Variants in TYMP observed in about 807,000 individuals in gnomAD.
TYMP encodes the protein thymidine phosphorylase.
Under a neutral mutation model 42.3 loss-of-function variants are expected in TYMP, and 46 were observed. The observed-to-expected ratio is 1.09, with a 90% confidence interval of 0.86 to 1.39. The LOEUF is 1.39. TYMP is among the 40% of genes most tolerant of loss of function. The pLI is 0.00. For missense variants in TYMP, 837 were observed against 677.6 expected, an observed-to-expected ratio of 1.24 and a Z score of -2.61; for synonymous variants, 363 against 308.0, an observed-to-expected ratio of 1.18 and a Z score of -1.87.
chr22:50,528,247 T>C (rs760998472), intron 4 of TYMP: 1 of 528,884 alleles, frequency 1.9e-6, no homozygotes, highest in Non-Finnish European at 3.5e-6. Context: ...TCAAGGGATC[T>C]GCCCTCTTCG....
In TYMP at chr22:50,529,150, C is replaced by T. The variant is rs1319323449; in HGVS notation, c.403G>A (p.Ala135Thr). Residue 135 changes from alanine to threonine, a missense_variant, in exon 3 of 10, where the codon GCA becomes ACA. Physicochemically the swap from Ala to Thr is moderately conservative, Grantham distance 58. Transcript: ENST00000252029. ...TGGTTTCTAACCTTGCAGCCACATG[C>T]CGCCAGGGCAGGTGCGAGGACCAGG... The part of the protein sequence containing the change: ...VSLVLAPALA[A>T]CGCKVPMISG... The T allele has an allele frequency of 6.2e-7, 1 of 1,613,182 alleles. No homozygotes were observed. Among genetic ancestry groups the T allele is most frequent in the Admixed American group, 1.7e-5 (1 of 60,020 alleles).
At chr22:50,529,013 G>T in intron 3 of TYMP, 123 bp downstream of exon 3, 1 of 1,018,702 alleles carries the variant, frequency 9.8e-7, no homozygotes, top group Non-Finnish European at 1.5e-6. Flanking sequence ...AGCAGGGTGG[G>T]GAGAAGCCTT....
Position 50,527,149 on chromosome 22 carries a change from A to G in TYMP, c.765+16T>C. 6.2e-7 allele frequency: 1 copy of G among 1,602,712 alleles called. No homozygotes were observed. Among genetic ancestry groups the G allele is most frequent in the Non-Finnish European group, 8.5e-7 (1 of 1,171,696 alleles). On this transcript the variant is annotated intron_variant, in intron 6 of 9. Transcript: ENST00000252029. ...CGCATCAAGACGCTTGCCCAGGGAA[A>G]GGCCACACCGCTCACCAGCGTCTTT...
rs200265761 is a variant in TYMP, at chr22:50,527,622, C to T, written c.612G>A (p.Val204=). The T allele has an allele frequency of 1.2e-6, 2 of 1,613,938 alleles. No homozygotes were observed. Among genetic ancestry groups the T allele is most frequent in the East Asian group, 2.2e-5 (1 of 44,882 alleles). Residue 204 remains valine, a synonymous_variant, in exon 5 of 10, where the codon GTG becomes GTA. Transcript: ENST00000252029. ...ADGILYAARD[V]TATVDSLPLI... is the part of the protein sequence containing the mutation. ...GTGGCAGGCTGTCCACGGTGGCTGTCACATCTCTGGCTGCATATAGGATTC... is the reference window on the plus strand; with the variant it reads ...GTGGCAGGCTGTCCACGGTGGCTGTTACATCTCTGGCTGCATATAGGATTC...
Position 50,526,596 on chromosome 22 carries a change from C to T in TYMP, c.908G>A (p.Arg303Lys), listed in dbSNP as rs763685299. The change falls in exon 7 of 10, where the codon AGG becomes AAG. Residue 303 changes from arginine (R) to lysine (K), a missense_variant. Transcript: ENST00000252029. ...CMDGAGPPDLRDLVTTLGGAL... is the reference protein window; with the variant it reads ...CMDGAGPPDLKDLVTTLGGAL... ...CTCACCGAGCGTGGTGACCAGGTCC[C>T]TTAAGTCTGGCGGGCCTGCGCCGTC... 5.3e-5 allele frequency: 84 copies of T among 1,580,132 alleles called. No homozygotes were observed. Among genetic ancestry groups the T allele is most frequent in the Non-Finnish European group, 7.0e-5 (82 of 1,164,306 alleles).
chr22:50,529,088 C>T, intron 3 of TYMP, 48 bp downstream of exon 3: 1 of 1,593,212 alleles, frequency 6.3e-7, no homozygotes, highest in Non-Finnish European at 8.6e-7. Context: ...GGACTGGTTG[C>T]TGCATGTGCG....
At position 50,526,048 on chromosome 22, in the gene TYMP, C is replaced by A; in HGVS notation, c.1253G>T (p.Gly418Val). Reference protein sequence around the residue: ...RSRAGEPLRLGVGAELLVDVG... With the variant: ...RSRAGEPLRLVVGAELLVDVG... The stretch of plus-strand genomic sequence containing the variant: ...GTCGACCAGCAGCTCTGCGCCCACC[C>A]CCAGGCGGAGCGGCTCCCCAGCGCG... Residue 418 changes from glycine to valine, a missense_variant, in exon 9 of 10, where the codon GGG (glycine) becomes GTG (valine). Coordinates refer to ENST00000252029, the MANE Select transcript of TYMP (RefSeq NM_001953.5). 6.7e-7 allele frequency: 1 copy of A among 1,482,126 alleles called. No homozygotes were observed. The highest frequency in any genetic ancestry group is 8.9e-7 in the Non-Finnish European group (1 of 1,124,020). 91.8% of individuals were successfully genotyped at this position (1,482,126 alleles called of 1,614,324 possible).
At chr22:50,528,116 A>G (rs131802) in intron 4 of TYMP, 64,876 of 384,616 alleles carry the variant, frequency 0.17, 6,040 homozygotes, top group East Asian at 0.26. Context: ...GGCTCAAGTG[A>G]TCCTCCTGCC....
At chr22:50,526,525 G>C (rs1335307557) in intron 7 of TYMP, 49 bp from the exon 8 acceptor site, 1 of 1,538,306 alleles carries the variant, frequency 6.5e-7, no homozygotes, top group East Asian at 2.5e-5. Flanking sequence ...GGCGGCCCCA[G>C]CGGGAAGCAC....
At chr22:50,529,112 T>A in intron 3 of TYMP, 24 bp downstream of exon 3, 1 of 1,612,286 alleles carries the variant, frequency 6.2e-7, no homozygotes, top group Non-Finnish European at 8.5e-7. Flanking sequence ...TAGGCTCCCG[T>A]CTGGAAAGGA....
Position 50,528,512 on chromosome 22 carries a change from C to T in TYMP, c.516G>A (p.Gln172=). ...ATGACTGATCCGTGGCGCCCCGTACCTGCTCTGGGCTCTGGATGACATTGA... is the reference window on the plus strand; with the variant it reads ...ATGACTGATCCGTGGCGCCCCGTACTTGCTCTGGGCTCTGGATGACATTGA... ...PGFNVIQSPE[Q]MQVLLDQAGC... The change falls in exon 4 of 10, where the codon CAG becomes CAA. Residue 172 remains glutamine (Q), a splice_region_variant and synonymous_variant. Transcript: ENST00000252029. 1 of 1,613,570 alleles carries T rather than the reference C, an allele frequency of 6.2e-7. No individual in the cohort carries two copies. Among genetic ancestry groups the T allele is most frequent in the Non-Finnish European group, 8.5e-7 (1 of 1,179,732 alleles).
intron 6 of TYMP, 47 bp downstream of exon 6, chr22:50,527,118 T>TG (rs750139377): frequency 6.7e-7 from 1 of 1,482,338 alleles, no homozygotes; most frequent in Non-Finnish European, 9.4e-7. Context: ...AAGGGTAGGC[T>TG]GGGCCCGCAT....
At position 50,526,729 on chromosome 22, in the gene TYMP, C is replaced by G. The variant is rs2069402201; in HGVS notation, c.775G>C (p.Gly259Arg). 6.5e-7 allele frequency: 1 copy of G among 1,536,716 alleles called. No homozygotes were observed. Among genetic ancestry groups the G allele is most frequent in the Non-Finnish European group, 8.7e-7 (1 of 1,146,662 alleles). Reference sequence around the variant, plus strand: ...GCGACCCGAAGCCCTAGGCTGGCTCCCACGCCAACCTGCGGAGAGGAGGCT... The same window carrying G: ...GCGACCCGAAGCCCTAGGCTGGCTCGCACGCCAACCTGCGGAGAGGAGGCT... ...RELAKTLVGV[G>R]ASLGLRVAAA... Residue 259 changes from glycine to arginine, a missense_variant, in exon 7 of 10, where the codon GGA becomes CGA. By Grantham distance (125) the Gly-to-Arg change is moderately radical. Transcript: ENST00000252029.
rs753438232 is a variant in TYMP at position 50,529,355 on chromosome 22, C to T, written c.215-17G>A. Reference sequence around the variant, plus strand: ...GCATGGCCCCTGGTATGTGGGGGTACGCGTGAGGGTGGCAGCCCACAGCGG... The same window carrying T: ...GCATGGCCCCTGGTATGTGGGGGTATGCGTGAGGGTGGCAGCCCACAGCGG... On this transcript the variant is annotated splice_polypyrimidine_tract_variant and intron_variant, in intron 2 of 9. Transcript: ENST00000252029. The T allele has an allele frequency of 4.5e-5, 73 of 1,612,416 alleles. No individual in the cohort carries two copies. Among genetic ancestry groups the T allele is most frequent in the African/African-American group, 8.0e-5 (6 of 74,904 alleles).
In TYMP at chr22:50,529,908, T is replaced by C. The variant is rs577017185; in HGVS notation, c.-15A>G. On this transcript the variant is annotated 5_prime_UTR_variant, in exon 1 of 10. Transcript: ENST00000252029. ...CGACTTGAGCCCCGCCCGTACCTGC[T>C]TAGGGCGCTGCCCTCGCCCGCTTGC... The C allele has an allele frequency of 3.2e-6, 2 of 616,388 alleles. No individual in the cohort carries two copies. The highest frequency in any genetic ancestry group is 2.8e-5 in the East Asian group (1 of 36,156). 38.2% of individuals were successfully genotyped at this position (616,388 alleles called of 1,614,324 possible). A position where few individuals can be genotyped will look rare whatever the true frequency, so the allele number is the denominator to read the frequency against.
Position 50,527,668 on chromosome 22 carries a change from T to C in TYMP, c.566A>G (p.Glu189Gly), listed in dbSNP as rs1250109829. Residue 189 changes from glutamate (E) to glycine (G), a missense_variant, in exon 5 of 10, where the codon GAG becomes GGG. Transcript: ENST00000252029. ...QAGCCIVGQS[E>G]QLVPADGILY... ...GATTCCGTCCGCAGGAACCAGCTGC[T>C]CACTCTGACCCACGATACAGCAGCC... 6.2e-7 allele frequency: 1 copy of C among 1,613,846 alleles called. No individual in the cohort carries two copies. The highest frequency in any genetic ancestry group is 1.1e-5 in the South Asian group (1 of 91,078).
chr22:50,527,461 C>G (rs1300577633), intron 5 of TYMP, 127 bp downstream of exon 5: 1 of 1,467,070 alleles, frequency 6.8e-7, no homozygotes, highest in Non-Finnish European at 9.5e-7. Flanking sequence ...GGTGGTCAGG[C>G]ATCTTGTGAT....
At position 50,526,238 on chromosome 22, in the gene TYMP, A is replaced by C; in HGVS notation, c.1159+8T>G. The C allele has an allele frequency of 6.5e-7, 1 of 1,533,118 alleles. No individual in the cohort carries two copies. The highest frequency in any genetic ancestry group is 8.7e-7 in the Non-Finnish European group (1 of 1,148,666). 95.0% of individuals were successfully genotyped at this position (1,533,118 alleles called of 1,614,324 possible). On this transcript the variant is annotated splice_region_variant and intron_variant, in intron 8 of 9. Transcript: ENST00000252029. ...AGGCGGAAGGACGGGGACTCCCCCG[A>C]CGCTCACCATCTGCGGGCGCCAGCA...
Position 50,529,714 on chromosome 22 carries a change from C to T in TYMP, c.-5G>A. On this transcript the variant is annotated 5_prime_UTR_variant, in exon 2 of 10. Transcript: ENST00000252029. Reference sequence around the variant, plus strand: ...CGGGGTCATCAAGGCTGCCATCGCTCCGGGCCTGCGGGGATGCCTGACACG... The same window carrying T: ...CGGGGTCATCAAGGCTGCCATCGCTTCGGGCCTGCGGGGATGCCTGACACG... 1 of 1,607,966 alleles carries T rather than the reference C, an allele frequency of 6.2e-7. No homozygotes were observed. Among genetic ancestry groups the T allele is most frequent in the Non-Finnish European group, 8.5e-7 (1 of 1,178,018 alleles).
Sources: gnomAD v4.1 joint callset for allele counts on GRCh38, gnomAD v4.1.1 for gene constraint, MANE v1.5 for transcripts, NCBI Gene and HGNC (gene_info 2026-07-23, HGNC 2026-07-21) for gene names.